The following DRC9 variants were observed in gnomAD, a reference collection of about 807,000 sequenced individuals.
DRC9 encodes dynein regulatory complex subunit 9, also known as dynein regulatory complex protein 9.
the DRC9 span, among the ~76,000 whole-genome samples, chr3:197,914,487 T>C: frequency 3.3e-5 from 5 of 152,222 alleles, no homozygotes; most frequent in African/African-American, 1.2e-4. Flanking sequence ...AGAGTGATTA[T>C]TAGGTTTCCT....
chr3:197,940,702 C>G, the DRC9 span, among the ~76,000 whole-genome samples: 1 of 152,096 alleles, frequency 6.6e-6, no homozygotes, highest in Non-Finnish European at 1.5e-5. Context: ...ATTCATGAGT[C>G]AGAACAACTA....
the DRC9 span, chr3:197,943,848 G>A: frequency 6.2e-7 from 1 of 1,614,104 alleles, no homozygotes; most frequent in Non-Finnish European, 8.5e-7. Context: ...CTGGTCTGTG[G>A]TGTCCTCCAG....
chr3:197,947,958 G>A, the DRC9 span, among the ~76,000 whole-genome samples: 6 of 124,182 alleles, frequency 4.8e-5, no homozygotes, highest in African/African-American at 1.6e-4. Context: ...TTTTTGAGAC[G>A]GTCTCACTCT....
the DRC9 span, chr3:197,949,969 G>A: frequency 2.1e-6 from 1 of 467,484 alleles, no homozygotes; most frequent in Non-Finnish European, 3.5e-6. Flanking sequence ...GATTTAGCTG[G>A]CTACCATTTT....
the DRC9 span, among the ~76,000 whole-genome samples, chr3:197,904,194 G>C: frequency 6.6e-6 from 1 of 150,828 alleles, no homozygotes; most frequent in African/African-American, 2.4e-5. Context: ...ATAGAAAGGT[G>C]CTCAGCATCA....
the DRC9 span, among the ~76,000 whole-genome samples, chr3:197,935,028 G>C: frequency 3.3e-5 from 5 of 152,238 alleles, no homozygotes; most frequent in African/African-American, 9.6e-5. Context: ...TCTTGACACA[G>C]TTGGCAAGAA....
the DRC9 span, among the ~76,000 whole-genome samples, chr3:197,922,462 T>G: frequency 6.6e-6 from 1 of 152,238 alleles, no homozygotes; most frequent in South Asian, 2.1e-4. Flanking sequence ...TCTCAGCACT[T>G]TGGGAGGCCG....
the DRC9 span, among the ~76,000 whole-genome samples, chr3:197,952,188 T>TG: frequency 1.7e-4 from 21 of 124,380 alleles, no homozygotes; most frequent in Non-Finnish European, 1.6e-4. Flanking sequence ...TTTTTTTTTT[T>TG]GGAGACGGAG....
chr3:197,931,484 A>G, the DRC9 span, among the ~76,000 whole-genome samples: 16 of 142,040 alleles, frequency 1.1e-4, no homozygotes, highest in East Asian at 3.0e-3. Flanking sequence ...TCCATCTCAA[A>G]AAAACAAAAC....
At chr3:197,946,628 C>T in the DRC9 span, among the ~76,000 whole-genome samples, 2 of 151,938 alleles carry the variant, frequency 1.3e-5, no homozygotes, top group African/African-American at 2.4e-5. Flanking sequence ...GTAAATTTGT[C>T]CACAATAAAG....
the DRC9 span, among the ~76,000 whole-genome samples, chr3:197,921,390 T>A: frequency 1.5e-4 from 1 of 6,704 alleles, no homozygotes; most frequent in Non-Finnish European, 2.3e-4. Context: ...ACTTGGTTTC[T>A]TCTTGGTCGA....
At chr3:197,928,629 C>T in the DRC9 span, among the ~76,000 whole-genome samples, 1 of 152,200 alleles carries the variant, frequency 6.6e-6, no homozygotes, top group African/African-American at 2.4e-5. Flanking sequence ...GGATTACAGG[C>T]GTGAGCCACC....
chr3:197,922,529 A>C, the DRC9 span, among the ~76,000 whole-genome samples: 1 of 152,006 alleles, frequency 6.6e-6, no homozygotes, highest in African/African-American at 2.4e-5. Flanking sequence ...AATATGGTGA[A>C]ACCCCATCTC....
At chr3:197,926,239 G>A in the DRC9 span, 1 of 609,488 alleles carries the variant, frequency 1.6e-6, no homozygotes, top group East Asian at 2.8e-5. Context: ...AGGTCTGGGA[G>A]GGGCCTGAAG....
the DRC9 span, chr3:197,932,192 A>G: frequency 6.2e-7 from 1 of 1,612,932 alleles, no homozygotes; most frequent in Admixed American, 1.7e-5. Flanking sequence ...GATGTCATAG[A>G]AATGCATTTT....
the DRC9 span, among the ~76,000 whole-genome samples, chr3:197,902,828 A>G: frequency 1.3e-5 from 2 of 152,184 alleles, no homozygotes; most frequent in Non-Finnish European, 2.9e-5. Context: ...CAATAGAAAA[A>G]CAATCCTAAA....
At chr3:197,920,446 G>A in the DRC9 span, among the ~76,000 whole-genome samples, 1 of 144,042 alleles carries the variant, frequency 6.9e-6, no homozygotes, top group Non-Finnish European at 1.5e-5. Context: ...AAAAAAAAAG[G>A]CCAGTCGTGA....
the DRC9 span, among the ~76,000 whole-genome samples, chr3:197,928,156 C>A: frequency 6.6e-6 from 1 of 152,180 alleles, no homozygotes; most frequent in African/African-American, 2.4e-5. Context: ...ATCCCACTAT[C>A]TGGAGTTAAC....
the DRC9 span, chr3:197,943,971 C>T: frequency 1.2e-6 from 2 of 1,614,102 alleles, no homozygotes; most frequent in Non-Finnish European, 1.7e-6. Context: ...TTCTACGGTA[C>T]TAGGTGGTTC....
Sources: gnomAD v4.1 joint callset for allele counts (sites outside exome capture counted in the v4.1 genomes callset) on GRCh38, gnomAD v4.1.1 for gene constraint, MANE v1.5 for transcripts, NCBI Gene and HGNC (gene_info 2026-07-23, HGNC 2026-07-21) for gene names.